The following CYSTM1 variants were observed in gnomAD, a reference collection of about 807,000 sequenced individuals.
CYSTM1 encodes cysteine-rich transmembrane module-containing protein 1.
In CYSTM1, 4 loss-of-function variants were observed where a neutral mutation model predicts 13.1. That is an observed-to-expected ratio of 0.31 (90% CI 0.15 to 0.70). The LOEUF (loss-of-function observed/expected upper bound fraction) is 0.70. Ranked by LOEUF, CYSTM1 falls within the 30% of genes least tolerant of loss-of-function variation. The pLI is 0.72. For synonymous variants in CYSTM1, 36 were observed against 42.7 expected (o/e 0.84, Z 0.62); for missense variants, 96 against 121.6 (o/e 0.79, Z 0.99).
rs1000607571 is a variant in CYSTM1 at position 140,224,961 on chromosome 5, G to C, written c.188-18344G>C. 9.7e-4 allele frequency among the ~76,000 whole-genome samples: 148 copies of C among 152,152 alleles called. 4 individuals carry two copies. The highest frequency in any genetic ancestry group is 4.6e-4 in the Admixed American group (7 of 15,268). On this transcript the variant is annotated intron_variant, in intron 2 of 2. Transcript: ENST00000261811. ...CTTTGGGAAACCAAGCAGGAGGATG[G>C]CTTGAGGCCAGGAGTTGAAGACCAG...
intron 2 of CYSTM1, among the ~76,000 whole-genome samples, chr5:140,199,215 A>G (rs1335424483): frequency 6.6e-6 from 1 of 152,182 alleles, no homozygotes; most frequent in East Asian, 1.9e-4. Context: ...ATTGATGGGC[A>G]TTTGGGTTGG....
rs577709524 is a variant in CYSTM1 at position 140,178,441 on chromosome 5, C to CTTTT, written c.-21+3178_-21+3181dup. Among the ~76,000 whole-genome samples the CTTTT allele has an allele frequency of 4.7e-4, 25 of 52,656 alleles. 1 individual carries two copies. The highest frequency in any genetic ancestry group is 3.7e-3 in the South Asian group (5 of 1,358). The allele number at this position is 52,656 out of a possible 152,430, so 34.5% of individuals were successfully genotyped here. ...TGGAAAAGCCCTATTCAAGTCCTTC[C>CTTTT]TTTTTTTTTTTTTTTTTTTTTTTTT... On this transcript the variant is annotated intron_variant, in intron 1 of 2. Coordinates refer to ENST00000261811, the MANE Select transcript of CYSTM1 (RefSeq NM_032412.4).
At chr5:140,206,233 C>T (rs995100870) in intron 2 of CYSTM1, among the ~76,000 whole-genome samples, 1 of 151,650 alleles carries the variant, frequency 6.6e-6, no homozygotes, top group Non-Finnish European at 1.5e-5. Context: ...TCACCTCCCC[C>T]TCCCCCACCC....
At chr5:140,227,513 G>T (rs1764571345) in intron 2 of CYSTM1, among the ~76,000 whole-genome samples, 1 of 152,154 alleles carries the variant, frequency 6.6e-6, no homozygotes, top group African/African-American at 2.4e-5. Flanking sequence ...TGGATTTAAG[G>T]CATATTTGAT....
intron 2 of CYSTM1, among the ~76,000 whole-genome samples, chr5:140,196,822 C>A (rs1764164619): frequency 6.6e-6 from 1 of 152,076 alleles, no homozygotes; most frequent in South Asian, 2.1e-4. Flanking sequence ...ATGTATGATG[C>A]CAGAGATCAA....
At chr5:140,229,353 C>T in intron 2 of CYSTM1, among the ~76,000 whole-genome samples, 1 of 151,978 alleles carries the variant, frequency 6.6e-6, no homozygotes, top group Admixed American at 6.6e-5. Flanking sequence ...CGCCACCATA[C>T]CCTGCTAATT....
chr5:140,242,349 C>T (rs954981614), intron 2 of CYSTM1, among the ~76,000 whole-genome samples: 5 of 152,092 alleles, frequency 3.3e-5, no homozygotes, highest in South Asian at 4.1e-4. Flanking sequence ...GAGGCGCTGC[C>T]GAGAGAGGTC....
At chr5:140,190,239 C>CA (rs34949633) in intron 1 of CYSTM1, among the ~76,000 whole-genome samples, 4 of 151,526 alleles carry the variant, frequency 2.6e-5, no homozygotes, top group Admixed American at 1.3e-4. Flanking sequence ...AAAACAACTG[C>CA]AAAAAAAACC....
intron 2 of CYSTM1, among the ~76,000 whole-genome samples, chr5:140,238,930 T>C (rs1364560566): frequency 6.6e-6 from 1 of 152,066 alleles, no homozygotes; most frequent in Non-Finnish European, 1.5e-5. Flanking sequence ...GTGTGGTGAT[T>C]GTAGTTGTCT....
chr5:140,239,431 G>A lies in CYSTM1; in HGVS notation c.188-3874G>A, dbSNP rs927245012. Among the ~76,000 whole-genome samples, 4 of 152,200 alleles carry A rather than the reference G, an allele frequency of 2.6e-5. No individual in the cohort carries two copies. The highest frequency in any genetic ancestry group is 4.4e-5 in the Non-Finnish European group (3 of 68,026). ...CTGGGACCAAGGGGACTACTGGTTG[G>A]TGTGTCTGGTGGCCAAAGTGGCAGT... On this transcript the variant is annotated intron_variant, in intron 2 of 2. Coordinates refer to ENST00000261811, the MANE Select transcript of CYSTM1 (RefSeq NM_032412.4). This position sits in a 1 kb window ranked among gnomAD's most constrained non-coding sequence, Gnocchi z 5.4.
intron 2 of CYSTM1, among the ~76,000 whole-genome samples, chr5:140,197,789 TA>T (rs35302135): frequency 0.5 from 75,682 of 151,950 alleles, 19,112 homozygotes; most frequent in East Asian, 0.55. Flanking sequence ...AATGGATACA[TA>T]GGTAGAAATG....
rs527865707 is a variant in CYSTM1 at position 140,188,028 on chromosome 5, G to A, written c.-20-6418G>A. ...AAATTGGTATATCAGAAGTGAATAG[G>A]AGGTTTAAAGTGGCATTTTAAAAAA... On this transcript the variant is annotated intron_variant, in intron 1 of 2. Transcript: ENST00000261811. Among the ~76,000 whole-genome samples, 4 of 151,840 alleles carry A rather than the reference G, an allele frequency of 2.6e-5. No homozygotes were observed. In the South Asian group the frequency reaches 8.3e-4, roughly 32 times the overall value.
intron 2 of CYSTM1, among the ~76,000 whole-genome samples, chr5:140,229,140 A>G (rs1303339937): frequency 6.6e-6 from 1 of 152,080 alleles, no homozygotes; most frequent in African/African-American, 2.4e-5. Context: ...ATTTCTATAT[A>G]TTCTATCCAC....
At chr5:140,212,983 G>GTATATATATATATATATATATA (rs150669111) in intron 2 of CYSTM1, among the ~76,000 whole-genome samples, 49 of 114,274 alleles carry the variant, frequency 4.3e-4, no homozygotes, top group African/African-American at 1.4e-3. Context: ...CAAAACAAAA[G>GTATATATATATATATATATATA]TATATATATA....
At chr5:140,226,617 T>TA (rs1554133475) in intron 2 of CYSTM1, among the ~76,000 whole-genome samples, 7 of 112,942 alleles carry the variant, frequency 6.2e-5, no homozygotes, top group Non-Finnish European at 9.1e-5. Flanking sequence ...TATATAAAAA[T>TA]TAGCCAGATG....
At chr5:140,235,378 C>T (rs1764668486) in intron 2 of CYSTM1, among the ~76,000 whole-genome samples, 1 of 150,986 alleles carries the variant, frequency 6.6e-6, no homozygotes, top group African/African-American at 2.4e-5. Flanking sequence ...TCACCCATGA[C>T]ATTGGGTCTT....
At chr5:140,182,108 G>A (rs908076925) in intron 1 of CYSTM1, among the ~76,000 whole-genome samples, 5 of 152,170 alleles carry the variant, frequency 3.3e-5, no homozygotes, top group Non-Finnish European at 7.3e-5. Context: ...AAAGGGAAAC[G>A]ATATCATTGC....
chr5:140,203,166 C>G (rs1764252491), intron 2 of CYSTM1: 2 of 152,054 alleles, frequency 1.3e-5, no homozygotes, highest in African/African-American at 4.8e-5. Context: ...ACATGTACCC[C>G]TGAACATAAA....
intron 1 of CYSTM1, among the ~76,000 whole-genome samples, chr5:140,186,176 A>C (rs937416631): frequency 6.6e-6 from 1 of 152,214 alleles, no homozygotes; most frequent in Non-Finnish European, 1.5e-5. Flanking sequence ...CCTGATATGT[A>C]GTAGGTACTT....
Sources: allele counts gnomAD v4.1 joint callset (sites outside exome capture counted in the v4.1 genomes callset), GRCh38; gene constraint gnomAD v4.1.1; non-coding constraint Gnocchi (gnomAD v3.1); transcripts MANE v1.5; gene names NCBI Gene and HGNC (gene_info 2026-07-23, HGNC 2026-07-21).